Variants in XRCC4 observed in about 807,000 individuals in gnomAD.
XRCC4 encodes DNA repair protein XRCC4.
XRCC4 carries 28 observed loss-of-function variants against 39.1 expected under a neutral mutation model. The ratio of observed to expected loss-of-function variants is 0.72; its 90% CI spans 0.53 to 0.98. The LOEUF is 0.98. Ranked by LOEUF, XRCC4 falls within the 50% of genes least tolerant of loss-of-function variation. The probability of loss-of-function intolerance (pLI) is 0.00; values close to 1 mark genes in which losing one functional copy is unlikely to be tolerated. For missense variants in XRCC4, 350 were observed against 376.4 expected (o/e 0.93, Z 0.58); for synonymous variants, 123 against 126.4 (o/e 0.97, Z 0.18).
chr5:83,173,475 T>A (rs1749820591), intron 3 of XRCC4, among the ~76,000 whole-genome samples: 1 of 152,184 alleles, frequency 6.6e-6, no homozygotes, highest in Non-Finnish European at 1.5e-5. Flanking sequence ...TTTAGGAAGT[T>A]GCTTTTGAGG....
rs565843191 is a variant in XRCC4, at chr5:83,102,284, T to C, written c.-10-2626T>C. ...CTAGTGAGGGTATCAGAAATCATCT[T>C]ATAAGAACTGTTTTGACTGCAAGCA... On this transcript the variant is annotated intron_variant, in intron 1 of 7. Transcript: ENST00000396027. 2.6e-5 allele frequency among the ~76,000 whole-genome samples: 4 copies of C among 152,212 alleles called. No homozygotes were observed. In the South Asian group the frequency reaches 8.3e-4, roughly 32 times the overall value.
At chr5:83,138,186 T>G (rs1331415480) in intron 3 of XRCC4, among the ~76,000 whole-genome samples, 1 of 152,172 alleles carries the variant, frequency 6.6e-6, no homozygotes, top group Non-Finnish European at 1.5e-5. Context: ...GCTTCTGATG[T>G]TATCTCTAAA....
intron 3 of XRCC4, among the ~76,000 whole-genome samples, chr5:83,143,742 T>A (rs980413045): frequency 6.6e-6 from 1 of 152,124 alleles, no homozygotes; most frequent in African/African-American, 2.4e-5. Flanking sequence ...AATTTCAATG[T>A]GTTGTTTTGT....
chr5:83,371,098 T>C, the XRCC4 span, among the ~76,000 whole-genome samples: 1 of 152,116 alleles, frequency 6.6e-6, no homozygotes, highest in East Asian at 1.9e-4. Context: ...CTCTTGTGCT[T>C]TTTCTTTGCC....
chr5:83,304,468 C>T (rs1471341765), intron 7 of XRCC4, among the ~76,000 whole-genome samples: 1 of 152,186 alleles, frequency 6.6e-6, no homozygotes, highest in Non-Finnish European at 1.5e-5. Context: ...TATTAGAATA[C>T]ACCTATAAGG....
chr5:83,156,109 G>A (rs759841305), intron 3 of XRCC4, among the ~76,000 whole-genome samples: 1 of 151,974 alleles, frequency 6.6e-6, no homozygotes, highest in Admixed American at 6.6e-5. Flanking sequence ...CTACCACCCT[G>A]TTTGAATATT....
At chr5:83,316,595 A>G (rs1398960068) in intron 7 of XRCC4, among the ~76,000 whole-genome samples, 4 of 147,996 alleles carry the variant, frequency 2.7e-5, no homozygotes, top group Non-Finnish European at 1.5e-5. Flanking sequence ...AAAGATCAAA[A>G]GAGACAAAGA....
intron 7 of XRCC4, among the ~76,000 whole-genome samples, chr5:83,316,024 A>C (rs961555842): frequency 6.6e-6 from 1 of 152,020 alleles, no homozygotes; most frequent in Non-Finnish European, 1.5e-5. Context: ...GATGCCATTA[A>C]GAACATTCAT....
At chr5:83,180,342 A>G (rs1329594365) in intron 3 of XRCC4, among the ~76,000 whole-genome samples, 2 of 152,168 alleles carry the variant, frequency 1.3e-5, no homozygotes, top group African/African-American at 2.4e-5. Context: ...GTAAAAGGTT[A>G]TAGTCAGAGT....
At chr5:83,310,776 CTT>C in intron 7 of XRCC4, 1 of 456,590 alleles carries the variant, frequency 2.2e-6, no homozygotes, top group South Asian at 1.5e-5. Flanking sequence ...GCAATTATAA[CTT>C]TCCTTATTAG....
chr5:83,300,862 G>A (rs28746474), intron 7 of XRCC4, among the ~76,000 whole-genome samples: 3,432 of 152,058 alleles, frequency 0.023, 113 homozygotes, highest in African/African-American at 0.077. Context: ...AGTTTGCTGA[G>A]AATGATGGTT....
At chr5:83,356,818 C>T (rs888978256), downstream of XRCC4, 3 of 420,618 alleles carry the variant, frequency 7.1e-6, no homozygotes, top group African/African-American at 6.2e-5. Flanking sequence ...TCATCCTCAC[C>T]TCTAAGATAA....
intron 3 of XRCC4, among the ~76,000 whole-genome samples, chr5:83,140,790 A>G (rs6887918): frequency 0.018 from 2,698 of 152,126 alleles, 70 homozygotes; most frequent in African/African-American, 0.062. Flanking sequence ...ATTCATCTCA[A>G]TTCTAGCTGG....
chr5:83,275,973 G>C (rs932161642), intron 7 of XRCC4, among the ~76,000 whole-genome samples: 1 of 151,972 alleles, frequency 6.6e-6, no homozygotes, highest in African/African-American at 2.4e-5. Context: ...TTCCACCCTG[G>C]GCTCTTAGCT....
At chr5:83,340,057 G>C (rs1756708583) in intron 7 of XRCC4, among the ~76,000 whole-genome samples, 1 of 152,114 alleles carries the variant, frequency 6.6e-6, no homozygotes, top group African/African-American at 2.4e-5. Context: ...GTTATCTCTA[G>C]ATAAGACCCA....
chr5:83,243,048 G>A (rs1239561157), intron 6 of XRCC4, among the ~76,000 whole-genome samples: 3 of 151,664 alleles, frequency 2.0e-5, no homozygotes, highest in Non-Finnish European at 2.9e-5. Flanking sequence ...TCTCTCTCTC[G>A]ACATATCATT....
At chr5:83,093,233 A>G (rs924395371) in intron 1 of XRCC4, among the ~76,000 whole-genome samples, 2 of 152,226 alleles carry the variant, frequency 1.3e-5, no homozygotes, top group African/African-American at 4.8e-5. Flanking sequence ...GCATTATATA[A>G]TGATAAAGTA....
At chr5:83,291,366 C>G (rs1754915020) in intron 7 of XRCC4, among the ~76,000 whole-genome samples, 1 of 151,796 alleles carries the variant, frequency 6.6e-6, no homozygotes, top group Non-Finnish European at 1.5e-5. Flanking sequence ...TCACAATCCA[C>G]ACTGAGATTA....
At chr5:83,137,372 G>A (rs548479547) in intron 3 of XRCC4, among the ~76,000 whole-genome samples, 1 of 152,258 alleles carries the variant, frequency 6.6e-6, no homozygotes, top group East Asian at 1.9e-4. Context: ...GTCTAGTTGT[G>A]TTCACACCCT....
Sources: gnomAD v4.1 joint callset for allele counts (sites outside exome capture counted in the v4.1 genomes callset) on GRCh38, gnomAD v4.1.1 for gene constraint, MANE v1.5 for transcripts, NCBI Gene and HGNC (gene_info 2026-07-23, HGNC 2026-07-21) for gene names.